Variants in TGM4 observed in about 807,000 individuals in gnomAD.
The protein encoded by TGM4 is transglutaminase 4, also known as protein-glutamine gamma-glutamyltransferase 4.
Under a neutral mutation model 76.3 loss-of-function variants are expected in TGM4, and 61 were observed. That is an observed-to-expected ratio of 0.80 (90% CI 0.65 to 0.99). The LOEUF is 0.99. TGM4 is among the 50% of genes least tolerant of loss of function. TGM4 has a pLI of 0.00. For missense variants in TGM4, 794 were observed against 843.2 expected (o/e 0.94, Z 0.72); for synonymous variants, 337 against 329.8 (o/e 1.02, Z -0.24).
Position 44,887,684 on chromosome 3 carries a change from TC to T in TGM4, c.194-3del, listed in dbSNP as rs767588147. On this transcript the variant is annotated splice_region_variant and splice_polypyrimidine_tract_variant and intron_variant, in intron 2 of 13. Coordinates refer to ENST00000296125, the MANE Select transcript of TGM4 (RefSeq NM_003241.4). ...GGGCCAATGTTTTCCTTTGGGTGTCTCCAGGGCCGAATCCTAGCATCGCCAA... is the reference window on the plus strand; with the variant it reads ...GGGCCAATGTTTTCCTTTGGGTGTCTCAGGGCCGAATCCTAGCATCGCCAA... 6.2e-7 allele frequency: 1 copy of T among 1,613,466 alleles called. No homozygotes were observed. Among genetic ancestry groups the T allele is most frequent in the East Asian group, 2.2e-5 (1 of 44,864 alleles).
At chr3:44,878,158 GA>G (rs913369167) in intron 1 of TGM4, among the ~76,000 whole-genome samples, 8 of 148,096 alleles carry the variant, frequency 5.4e-5, no homozygotes, top group East Asian at 2.0e-4. Context: ...CTCAAAAAAA[GA>G]AAAAAAAATT....
Position 44,910,308 on chromosome 3 carries a change from A to G in TGM4, c.1546A>G (p.Thr516Ala), listed in dbSNP as rs761525566. 5.0e-6 allele frequency: 8 copies of G among 1,614,212 alleles called. No homozygotes were observed. The highest frequency in any genetic ancestry group is 1.3e-5 in the African/African-American group (1 of 75,050). ...ILGSFELQLY[T>A]GKKMAKLCDL... The stretch of plus-strand genomic sequence containing the variant: ...GGGCTCCTTTGAACTACAGTTGTAC[A>G]CTGGCAAGAAGATGGCAAAACTGTG... The change falls in exon 11 of 14, where the codon ACT (threonine) becomes GCT (alanine). Residue 516 changes from threonine (T) to alanine (A), a missense_variant. By Grantham distance (58) the Thr-to-Ala change is moderately conservative. Transcript: ENST00000296125.
rs574601519 is a variant in TGM4 at position 44,885,230 on chromosome 3, C to G, written c.20-95C>G. ...TGCCCGACTCTAAAGCCCAGCTCCACCTCAATGCACTCTCAGATTTTGAAC... is the reference window on the plus strand; with the variant it reads ...TGCCCGACTCTAAAGCCCAGCTCCAGCTCAATGCACTCTCAGATTTTGAAC... On this transcript the variant is annotated intron_variant, in intron 1 of 13. Transcript: ENST00000296125. 737 of 1,344,574 alleles carry G rather than the reference C, an allele frequency of 5.5e-4. 2 individuals carry two copies. The African/African-American group carries it at 8.9e-3, about 16-fold the overall frequency. The allele number at this position is 1,344,574 out of a possible 1,614,324, so 83.3% of individuals were successfully genotyped here.
chr3:44,909,498 G>A (rs1319195710), intron 10 of TGM4, among the ~76,000 whole-genome samples: 1 of 152,224 alleles, frequency 6.6e-6, no homozygotes, highest in East Asian at 1.9e-4. Flanking sequence ...AGGGAGCTCT[G>A]AGTCAGGTCA....
At chr3:44,903,787 C>A in intron 8 of TGM4, 97 bp from the exon 9 acceptor site, 1 of 1,112,700 alleles carries the variant, frequency 9.0e-7, no homozygotes, top group Non-Finnish European at 1.4e-6. Flanking sequence ...CTCAGTGGGT[C>A]CCCGGTGATG....
At chr3:44,903,418 T>C (rs1699880136) in intron 8 of TGM4, 1 of 152,716 alleles carries the variant, frequency 6.5e-6, no homozygotes, top group Admixed American at 6.5e-5. Context: ...GTGAATTGAA[T>C]ACATTCATTG....
intron 2 of TGM4, 94 bp from the exon 3 acceptor site, chr3:44,887,595 C>A: frequency 1.8e-6 from 2 of 1,108,154 alleles, no homozygotes; most frequent in African/African-American, 1.5e-5. Flanking sequence ...GGGGTGGGGG[C>A]TCCATGAGTG....
At chr3:44,903,757 C>A in intron 8 of TGM4, 127 bp from the exon 9 acceptor site, 1 of 870,078 alleles carries the variant, frequency 1.1e-6, no homozygotes, top group Non-Finnish European at 1.9e-6. Context: ...GACAAAGGTT[C>A]CCAAACCCCT....
intron 2 of TGM4, 70 bp from the exon 3 acceptor site, chr3:44,887,619 C>A: frequency 1.4e-6 from 2 of 1,450,262 alleles, no homozygotes; most frequent in Admixed American, 1.8e-5. Flanking sequence ...AGTAGGTGGG[C>A]CCGAACCAGA....
intron 6 of TGM4, chr3:44,899,715 A>G (rs1335587154): frequency 6.6e-6 from 1 of 152,228 alleles, no homozygotes; most frequent in East Asian, 1.9e-4. Flanking sequence ...TGAAACAACA[A>G]ACATCCATTA....
intron 5 of TGM4, 38 bp downstream of exon 5, chr3:44,893,733 T>C: frequency 6.4e-7 from 1 of 1,557,076 alleles, no homozygotes; most frequent in South Asian, 1.1e-5. Flanking sequence ...CCAGGCCCCA[T>C]CTGCTAGACC....
chr3:44,877,417 G>T (rs1009920648), intron 1 of TGM4, among the ~76,000 whole-genome samples: 1 of 151,946 alleles, frequency 6.6e-6, no homozygotes, highest in Non-Finnish European at 1.5e-5. Flanking sequence ...TCCAGTCTGG[G>T]CAACAGAGCG....
chr3:44,880,635 G>A (rs1206421185), intron 1 of TGM4, among the ~76,000 whole-genome samples: 1 of 152,190 alleles, frequency 6.6e-6, no homozygotes, highest in Non-Finnish European at 1.5e-5. Context: ...AGGGAGCTAG[G>A]CAGGTCTTCC....
chr3:44,909,676 T>G (rs1243549168), intron 10 of TGM4, among the ~76,000 whole-genome samples: 1 of 152,124 alleles, frequency 6.6e-6, no homozygotes, highest in Non-Finnish European at 1.5e-5. Context: ...GGTTTTTGAG[T>G]CTACTCTGGA....
At chr3:44,900,116 A>C (rs1453983053) in intron 6 of TGM4, among the ~76,000 whole-genome samples, 9 of 152,148 alleles carry the variant, frequency 5.9e-5, no homozygotes, top group Non-Finnish European at 1.3e-4. Flanking sequence ...GAAAGTCCTG[A>C]TGTCCTTTGG....
rs753365428 is a variant in TGM4 at position 44,893,570 on chromosome 3, G to T, written c.431-7G>T. 3.7e-6 allele frequency: 6 copies of T among 1,611,926 alleles called. No homozygotes were observed. In the East Asian group the frequency reaches 1.1e-4, roughly 30 times the overall value. ...ATAACCTCTGTGGATGTGTGGTCTTGCTTCAGAGGACATGGTTTTCATGCC... is the reference window on the plus strand; with the variant it reads ...ATAACCTCTGTGGATGTGTGGTCTTTCTTCAGAGGACATGGTTTTCATGCC... On this transcript the variant is annotated splice_region_variant and splice_polypyrimidine_tract_variant and intron_variant, in intron 4 of 13. Transcript: ENST00000296125.
At chr3:44,903,763 C>T (rs1699884824) in intron 8 of TGM4, 121 bp from the exon 9 acceptor site, 1 of 914,316 alleles carries the variant, frequency 1.1e-6, no homozygotes, top group Non-Finnish European at 1.8e-6. Flanking sequence ...GGTTCCCAAA[C>T]CCCTGAGAAC....
At chr3:44,890,392 C>A in intron 3 of TGM4, 1 of 574,372 alleles carries the variant, frequency 1.7e-6, no homozygotes, top group Non-Finnish European at 3.0e-6. Context: ...CGTGCCAAAA[C>A]TTCATGCTGT....
At chr3:44,883,975 C>T (rs759520860) in intron 1 of TGM4, among the ~76,000 whole-genome samples, 2 of 152,188 alleles carry the variant, frequency 1.3e-5, no homozygotes, top group Non-Finnish European at 2.9e-5. Flanking sequence ...ACCTCACAGG[C>T]CACAGCGGGG....
Sources: allele counts gnomAD v4.1 joint callset (sites outside exome capture counted in the v4.1 genomes callset), GRCh38; gene constraint gnomAD v4.1.1; transcripts MANE v1.5; gene names NCBI Gene and HGNC (gene_info 2026-07-23, HGNC 2026-07-21).